Variants in ZIM2 observed in about 807,000 individuals in gnomAD.
The protein encoded by ZIM2 is zinc finger protein 656.
Under a neutral mutation model 38.6 loss-of-function variants are expected in ZIM2, and 14 were observed. That is an observed-to-expected ratio of 0.36 (90% CI 0.24 to 0.57). The LOEUF is 0.57. ZIM2 is among the 20% of genes least tolerant of loss of function. The pLI, the probability that ZIM2 is intolerant of heterozygous loss-of-function variation, is 0.81. For missense variants in ZIM2, 680 were observed against 695.1 expected (o/e 0.98, Z 0.24); for synonymous variants, 247 against 245.8 (o/e 1.00, Z -0.04).
chr19:56,812,443 G>T (rs1470499449), intron 9 of ZIM2: 4 of 983,722 alleles, frequency 4.1e-6, no homozygotes, highest in Non-Finnish European at 4.8e-6. Context: ...ATGCAAGTTA[G>T]ACATGGAGTT....
chr19:56,824,049 C>T (rs535430069), intron 4 of ZIM2, among the ~76,000 whole-genome samples: 2 of 152,226 alleles, frequency 1.3e-5, no homozygotes, highest in East Asian at 3.9e-4. Flanking sequence ...TTTTGGCGAC[C>T]AGGGGATACC....
chr19:56,815,330 G>T, intron 9 of ZIM2: 1 of 1,614,210 alleles, frequency 6.2e-7, no homozygotes, highest in South Asian at 1.1e-5. Context: ...GCAAAAAATT[G>T]TCTGAAGTCC....
At position 56,816,161 on chromosome 19, in the gene ZIM2, T is replaced by C. The variant is rs778952352; in HGVS notation, c.490+1585A>G. On this transcript the variant is annotated intron_variant, in intron 9 of 12. Transcript: ENST00000629319. ...TAGACATTTTCCTTAGTGGGAATCT[T>C]CTGGTTTTCATAGGGGTTAGAGCTA... The C allele has an allele frequency of 8.7e-6, 14 of 1,614,066 alleles. No homozygotes were observed. In the East Asian group the frequency reaches 2.9e-4, roughly 33 times the overall value.
At chr19:56,796,074 G>T (rs1356706686) in intron 9 of ZIM2, among the ~76,000 whole-genome samples, 1 of 152,124 alleles carries the variant, frequency 6.6e-6, no homozygotes, top group African/African-American at 2.4e-5. Context: ...CTGATCTGAA[G>T]TGCCCCACCA....
chr19:56,779,248 C>G (rs2286749), intron 12 of ZIM2, 129 bp downstream of exon 12: 341,960 of 780,400 alleles, frequency 0.44, 76,468 homozygotes, highest in South Asian at 0.48. Flanking sequence ...GAAAGGAGAC[C>G]AAGGGGAGTA....
At chr19:56,823,710 C>T (rs1265853346) in intron 4 of ZIM2, 31 bp from the exon 5 acceptor site, 1 of 1,612,056 alleles carries the variant, frequency 6.2e-7, no homozygotes, top group Non-Finnish European at 8.5e-7. Context: ...AAGTTACTAT[C>T]TCTGGCCCAC....
At chr19:56,837,889 G>A (rs2062366520) in intron 1 of ZIM2, among the ~76,000 whole-genome samples, 1 of 152,240 alleles carries the variant, frequency 6.6e-6, no homozygotes, top group South Asian at 2.1e-4. Context: ...CTCCTACAGC[G>A]CAGCTGTCAT....
At position 56,774,801 on chromosome 19, in the gene ZIM2, CTT is replaced by C. The variant is rs1568557907; in HGVS notation, c.1562_1563del (p.Gln521ArgfsTer33). On this transcript the variant is annotated frameshift_variant, in exon 13 of 13. Coordinates refer to ENST00000629319, the MANE Select transcript of ZIM2 (RefSeq NM_001387356.1). LOFTEE classifies it low-confidence loss of function (END_TRUNC). ...YLIQHYRTHT[Q>X]ERPYQCQLCG... is the part of the protein sequence containing the mutation. ...CATAGCTGACACTGGTAAGGCCTCT[CTT>C]GAGTGTGAGTTCTATAATGCTGAAT... The C allele has an allele frequency of 1.3e-5, 21 of 1,614,024 alleles. No homozygotes were observed. Among genetic ancestry groups the C allele is most frequent in the Non-Finnish European group, 1.6e-5 (19 of 1,180,034 alleles).
Position 56,775,320 on chromosome 19 carries a change from G to T in ZIM2, c.1045C>A (p.Pro349Thr). The T allele has an allele frequency of 1.2e-6, 2 of 1,614,172 alleles. No individual in the cohort carries two copies. The highest frequency in any genetic ancestry group is 8.5e-7 in the Non-Finnish European group (1 of 1,180,024). Reference protein sequence around the residue: ...EGTAPGICTSPQSASQENKHN... With the variant: ...EGTAPGICTSTQSASQENKHN... ...TTGTTCTCTTGGGATGCTGACTGGG[G>T]ACTCGTACATATTCCAGGAGCAGTG... The change falls in exon 13 of 13, where the codon CCC becomes ACC. Residue 349 changes from proline to threonine, a missense_variant. Transcript: ENST00000629319.
intron 9 of ZIM2, chr19:56,809,990 A>T: frequency 4.6e-6 from 1 of 219,604 alleles, no homozygotes; most frequent in Non-Finnish European, 7.7e-6. Context: ...TTTTTAGGCT[A>T]AAGGAGGAAC....
chr19:56,813,220 A>G lies in ZIM2; in HGVS notation c.490+4526T>C, dbSNP rs187634674. On this transcript the variant is annotated intron_variant, in intron 9 of 12. Coordinates refer to ENST00000629319, the MANE Select transcript of ZIM2 (RefSeq NM_001387356.1). ...CTCCTCCAAAAAAAAAAAAAATTCA[A>G]AGAATACCAGGTAAGGTACCTCTGC... 5 of 981,660 alleles carry G rather than the reference A, an allele frequency of 5.1e-6. No homozygotes were observed. The Admixed American group carries it at 2.4e-4, about 48-fold the overall frequency. The allele number at this position is 981,660 out of a possible 1,614,324, so 60.8% of individuals were successfully genotyped here.
chr19:56,813,050 C>T, intron 9 of ZIM2: 6 of 985,400 alleles, frequency 6.1e-6, no homozygotes, highest in Non-Finnish European at 7.2e-6. Flanking sequence ...TGTTATCTAT[C>T]ATGCCTACAG....
chr19:56,834,123 T>C lies in ZIM2; in HGVS notation c.-227+1895A>G, dbSNP rs777972622. 2.6e-5 allele frequency among the ~76,000 whole-genome samples: 4 copies of C among 152,194 alleles called. No individual in the cohort carries two copies. In the South Asian group the frequency reaches 6.2e-4, roughly 24 times the overall value. On this transcript the variant is annotated intron_variant, in intron 2 of 12. Coordinates refer to ENST00000629319, the MANE Select transcript of ZIM2 (RefSeq NM_001387356.1). ...TGTCTTCCAGAACAGTATGAGTTATTTGACTATATTCTAATAACAATAATT... is the reference window on the plus strand; with the variant it reads ...TGTCTTCCAGAACAGTATGAGTTATCTGACTATATTCTAATAACAATAATT...
chr19:56,830,467 TATCTC>T (rs1260835181), intron 2 of ZIM2, among the ~76,000 whole-genome samples: 1 of 152,212 alleles, frequency 6.6e-6, no homozygotes, highest in Non-Finnish European at 1.5e-5. Context: ...TATAAAGACT[TATCTC>T]AAATACATGC....
At chr19:56,816,949 C>T in intron 9 of ZIM2, 1 of 1,614,198 alleles carries the variant, frequency 6.2e-7, no homozygotes, top group Middle Eastern at 1.6e-4. Flanking sequence ...TCCAACCTGA[C>T]TTTTCTGAAC....
At chr19:56,775,605 C>T (rs149322721) in intron 12 of ZIM2, 76 bp from the exon 13 acceptor site, 2 of 1,512,564 alleles carry the variant, frequency 1.3e-6, no homozygotes, top group East Asian at 2.3e-5. Flanking sequence ...TTTCTATAGG[C>T]AGGCTTTGCC....
chr19:56,797,836 A>T (rs1387289691), intron 9 of ZIM2, among the ~76,000 whole-genome samples: 2 of 152,208 alleles, frequency 1.3e-5, no homozygotes, highest in Non-Finnish European at 2.9e-5. Flanking sequence ...GATGCCCACT[A>T]GCCTCAATAA....
Position 56,775,141 on chromosome 19 carries a change from G to T in ZIM2, c.1224C>A (p.Thr408=), listed in dbSNP as rs144929133. 1.9e-5 allele frequency: 30 copies of T among 1,613,970 alleles called. No homozygotes were observed. In the African/African-American group the frequency reaches 3.6e-4, roughly 19 times the overall value. The stretch of plus-strand genomic sequence containing the variant: ...AGCCAGAAGTCTTCCTACCAGAATG[G>T]GTCTTCTGATGTCTGTTGAGGTGTG... The part of the protein sequence containing the change: ...LMPHLNRHQK[T]HSGRKTSGCN... Residue 408 remains threonine (T), a synonymous_variant, in exon 13 of 13, where the codon ACC becomes ACA. Transcript: ENST00000629319.
At chr19:56,785,663 T>C (rs1030816482) in intron 10 of ZIM2, among the ~76,000 whole-genome samples, 3 of 152,202 alleles carry the variant, frequency 2.0e-5, no homozygotes, top group African/African-American at 7.2e-5. Flanking sequence ...ACTATTTTCA[T>C]TGTTGCAAAG....
Sources: gnomAD v4.1 joint callset for allele counts (sites outside exome capture counted in the v4.1 genomes callset) on GRCh38, gnomAD v4.1.1 for gene constraint, MANE v1.5 for transcripts, NCBI Gene and HGNC (gene_info 2026-07-23, HGNC 2026-07-21) for gene names.